The following TEX15 variants were observed in gnomAD, a reference collection of about 807,000 sequenced individuals.
TEX15 encodes the protein testis-expressed protein 15.
In TEX15, 171 loss-of-function variants were observed where a neutral mutation model predicts 237.3. That is an observed-to-expected ratio of 0.72 (90% CI 0.64 to 0.82). TEX15 has a LOEUF of 0.82. TEX15 is among the 40% of genes least tolerant of loss of function. TEX15 has a pLI of 0.00. For synonymous variants in TEX15, 1,338 were observed against 1,269.8 expected (o/e 1.05, Z -1.14); for missense variants, 3,750 against 3,646.5 (o/e 1.03, Z -0.73).
intron 2 of TEX15, among the ~76,000 whole-genome samples, chr8:30,895,320 A>AG (rs1200057752): frequency 6.7e-6 from 1 of 149,176 alleles, no homozygotes; most frequent in Non-Finnish European, 1.5e-5. Context: ...AAAAAAAAAA[A>AG]AAGACTGTCA....
chr8:30,849,272 C>T lies in TEX15; in HGVS notation c.895G>A (p.Gly299Arg), dbSNP rs1563245745. 6.5e-7 allele frequency: 1 copy of T among 1,534,818 alleles called. No individual in the cohort carries two copies. Residue 299 changes from glycine to arginine, a missense_variant, in exon 8 of 11, where the codon GGA becomes AGA. By Grantham distance (125) the Gly-to-Arg change is moderately radical (BLOSUM62 -2). Transcript: ENST00000643185. ...LNNCTVAKRF[G>R]KGKDATVTFV... is the part of the protein sequence containing the mutation. ...GTGACAGTAGCATCTTTTCCTTTTC[C>T]AAATCTTTTGGCCACTGTACAGTTA...
chr8:30,860,166 G>C, intron 5 of TEX15, 109 bp from the exon 6 acceptor site: 8 of 1,001,732 alleles, frequency 8.0e-6, no homozygotes, highest in Non-Finnish European at 9.7e-6. Context: ...TTCTGAGACA[G>C]GGTCTCACTC....
At chr8:30,833,455 T>A (rs1340398336) in intron 10 of TEX15, 132 bp from the exon 11 acceptor site, 3 of 593,706 alleles carry the variant, frequency 5.1e-6, no homozygotes, top group South Asian at 3.4e-5. Flanking sequence ...TAAGTAGCCA[T>A]AGGGTCATCA....
At chr8:30,889,954 C>CATATATATATATATATACGTATATATAT in intron 2 of TEX15, among the ~76,000 whole-genome samples, 1 of 110,080 alleles carries the variant, frequency 9.1e-6, no homozygotes, top group African/African-American at 4.5e-5. Context: ...TATATATATA[C>CATATATATATATATATACGTATATATAT]ATATATATAT....
chr8:30,892,305 T>C (rs745324152), intron 2 of TEX15, among the ~76,000 whole-genome samples: 3 of 152,228 alleles, frequency 2.0e-5, no homozygotes, highest in Admixed American at 6.5e-5. Context: ...TTTCCACATA[T>C]GTATGAATTC....
rs1585283544 is a variant in TEX15, at chr8:30,845,355, G to A, written c.4812C>T (p.Asn1604=). The A allele has an allele frequency of 6.2e-7, 1 of 1,611,536 alleles. No individual in the cohort carries two copies. The highest frequency in any genetic ancestry group is 2.2e-5 in the East Asian group (1 of 44,842). Residue 1604 remains asparagine, a synonymous_variant, in exon 8 of 11, where the codon AAC becomes AAT. Coordinates refer to ENST00000643185, the MANE Select transcript of TEX15 (RefSeq NM_001350162.2). ...TTATTACTTCATTAGCGTCACAACT[G>A]TTTTCTTTAGTTGCATCTTTAACAT... ...NHNVKDATKE[N]SCDANEVINE... is the part of the protein sequence containing the mutation.
intron 3 of TEX15, among the ~76,000 whole-genome samples, chr8:30,883,738 C>T (rs1354907572): frequency 6.6e-6 from 1 of 152,058 alleles, no homozygotes; most frequent in Non-Finnish European, 1.5e-5. Flanking sequence ...TTTCTTAATC[C>T]AGTCTATATC....
chr8:30,833,059 C>T lies in TEX15; in HGVS notation c.*227G>A. ...CTATTGCTTAACTTTGATCATATTACCCTCCCCTTATAATTGCATGGAAAT... is the reference window on the plus strand; with the variant it reads ...CTATTGCTTAACTTTGATCATATTATCCTCCCCTTATAATTGCATGGAAAT... On this transcript the variant is annotated 3_prime_UTR_variant, in exon 11 of 11. Transcript: ENST00000643185. 2.5e-6 allele frequency: 1 copy of T among 394,010 alleles called. No homozygotes were observed. The highest frequency in any genetic ancestry group is 4.6e-6 in the Non-Finnish European group (1 of 219,094). The allele number at this position is 394,010 out of a possible 1,614,324, so 24.4% of individuals were successfully genotyped here.
chr8:30,832,598 C>T lies in TEX15; in HGVS notation c.*688G>A, dbSNP rs1807206415. ...TAAAGACTAACTGCATAAGCATAAACATTATTCTCTATTATTTGCTAGAAA... is the reference window on the plus strand; with the variant it reads ...TAAAGACTAACTGCATAAGCATAAATATTATTCTCTATTATTTGCTAGAAA... On this transcript the variant is annotated 3_prime_UTR_variant, in exon 11 of 11. Transcript: ENST00000643185. 6.6e-6 allele frequency: 1 copy of T among 152,168 alleles called. No homozygotes were observed. The highest frequency in any genetic ancestry group is 1.5e-5 in the Non-Finnish European group (1 of 68,010). 9.4% of individuals were successfully genotyped at this position (152,168 alleles called of 1,614,324 possible).
At chr8:30,902,870 AT>A (rs1331983037) in intron 1 of TEX15, among the ~76,000 whole-genome samples, 1 of 152,196 alleles carries the variant, frequency 6.6e-6, no homozygotes, top group Non-Finnish European at 1.5e-5. Flanking sequence ...GCACAGTAGA[AT>A]TTAAGTATTC....
intron 10 of TEX15, among the ~76,000 whole-genome samples, chr8:30,835,573 T>C (rs1057192612): frequency 5.3e-5 from 8 of 152,154 alleles, no homozygotes; most frequent in Non-Finnish European, 1.2e-4. Flanking sequence ...GACCCTGCCT[T>C]AAAAAAGAAT....
At position 30,838,018 on chromosome 8, in the gene TEX15, T is replaced by C. The variant is rs1807350879; in HGVS notation, c.8266A>G (p.Ser2756Gly). Reference sequence around the variant, plus strand: ...TTTCTTTTCAGACTGTCACATGAACTTGGTACTATTTTGTTTTCGCTTTTG... The same window carrying C: ...TTTCTTTTCAGACTGTCACATGAACCTGGTACTATTTTGTTTTCGCTTTTG... ...HPKSENKIVP[S>G]SCDSLKRNHL... The change falls in exon 10 of 11, where the codon AGT becomes GGT. Residue 2756 changes from serine (S) to glycine (G), a missense_variant. Coordinates refer to ENST00000643185, the MANE Select transcript of TEX15 (RefSeq NM_001350162.2). 1 of 1,613,238 alleles carries C rather than the reference T, an allele frequency of 6.2e-7. No individual in the cohort carries two copies. Among genetic ancestry groups the C allele is most frequent in the African/African-American group, 1.3e-5 (1 of 74,836 alleles).
intron 9 of TEX15, among the ~76,000 whole-genome samples, 183 bp from the exon 10 acceptor site, chr8:30,838,244 T>C (rs1033856860): frequency 6.6e-6 from 1 of 152,326 alleles, no homozygotes; most frequent in Non-Finnish European, 1.5e-5. Flanking sequence ...TGGATTTAGA[T>C]ACTTTTCCTA....
intron 2 of TEX15, among the ~76,000 whole-genome samples, chr8:30,898,306 A>C (rs1050494812): frequency 3.3e-5 from 5 of 152,194 alleles, no homozygotes; most frequent in African/African-American, 1.2e-4. Context: ...AGTCGAGAAC[A>C]GACCCCTCGT....
At chr8:30,886,049 G>C (rs1477439305) in intron 3 of TEX15, among the ~76,000 whole-genome samples, 5 of 152,156 alleles carry the variant, frequency 3.3e-5, no homozygotes, top group Non-Finnish European at 5.9e-5. Context: ...TCCAACACCT[G>C]TGTCAATCTT....
Position 30,845,366 on chromosome 8 carries a change from T to G in TEX15, c.4801A>C (p.Thr1601Pro). 1 of 1,611,726 alleles carries G rather than the reference T, an allele frequency of 6.2e-7. No individual in the cohort carries two copies. The highest frequency in any genetic ancestry group is 1.3e-5 in the African/African-American group (1 of 75,028). ...HSANHNVKDATKENSCDANEV... is the reference protein window; with the variant it reads ...HSANHNVKDAPKENSCDANEV... ...TTAGCGTCACAACTGTTTTCTTTAG[T>G]TGCATCTTTAACATTATGATTTGCT... Residue 1601 changes from threonine to proline, a missense_variant, in exon 8 of 11, where the codon ACT becomes CCT. Coordinates refer to ENST00000643185, the MANE Select transcript of TEX15 (RefSeq NM_001350162.2).
chr8:30,895,452 G>T (rs1808881216), intron 2 of TEX15, among the ~76,000 whole-genome samples: 1 of 151,966 alleles, frequency 6.6e-6, no homozygotes, highest in Non-Finnish European at 1.5e-5. Flanking sequence ...GCCCCTAAGA[G>T]GCTATCAGTA....
At chr8:30,891,725 C>T (rs528637686) in intron 2 of TEX15, among the ~76,000 whole-genome samples, 66 of 152,300 alleles carry the variant, frequency 4.3e-4, no homozygotes, top group Non-Finnish European at 8.7e-4. Context: ...CTGCCCGCCT[C>T]AGCCTCCCAA....
At chr8:30,911,198 C>T (rs1809210204) in intron 1 of TEX15, among the ~76,000 whole-genome samples, 1 of 152,208 alleles carries the variant, frequency 6.6e-6, no homozygotes, top group Non-Finnish European at 1.5e-5. Context: ...CAGCTCACTG[C>T]AGCCTCAAAC....
Sources: allele counts gnomAD v4.1 joint callset (sites outside exome capture counted in the v4.1 genomes callset), GRCh38; gene constraint gnomAD v4.1.1; transcripts MANE v1.5; gene names NCBI Gene and HGNC (gene_info 2026-07-23, HGNC 2026-07-21).